The following SOX6 variants were observed in gnomAD, a reference collection of about 807,000 sequenced individuals.
SOX6 encodes SRY-box transcription factor 6.
Under a neutral mutation model 97.8 loss-of-function variants are expected in SOX6, and 11 were observed. The ratio of observed to expected loss-of-function variants is 0.11; its 90% CI spans 0.07 to 0.19. The LOEUF (loss-of-function observed/expected upper bound fraction) is 0.19. Among genes scored for constraint, SOX6 ranks in the 10% least tolerant of loss-of-function variants. The pLI is 1.00. For synonymous variants in SOX6, 360 were observed against 371.4 expected, an observed-to-expected ratio of 0.97 and a Z score of 0.35; for missense variants, 810 against 1,039.5, an observed-to-expected ratio of 0.78 and a Z score of 3.04.
chr11:16,007,267 G>A (rs1208120901), intron 13 of SOX6, among the ~76,000 whole-genome samples: 1 of 152,036 alleles, frequency 6.6e-6, no homozygotes, highest in African/African-American at 2.4e-5. Context: ...TTACTGTACT[G>A]AATACTGTAG....
chr11:16,214,973 C>T (rs1337318192), intron 4 of SOX6, among the ~76,000 whole-genome samples: 1 of 152,084 alleles, frequency 6.6e-6, no homozygotes, highest in Non-Finnish European at 1.5e-5. Flanking sequence ...TGGCCTCGAA[C>T]TCCTGATCTC....
chr11:16,054,147 G>GT (rs1303275177), intron 10 of SOX6, among the ~76,000 whole-genome samples: 5 of 152,052 alleles, frequency 3.3e-5, no homozygotes, highest in African/African-American at 1.2e-4. Context: ...TTTAACCAAG[G>GT]AACATTTTAC....
chr11:16,477,633 T>C (rs1860277587), upstream of SOX6, among the ~76,000 whole-genome samples: 1 of 152,162 alleles, frequency 6.6e-6, no homozygotes, highest in Non-Finnish European at 1.5e-5. Flanking sequence ...AGTGGATTGC[T>C]TGAGTCCAGG....
chr11:16,657,192 C>G (rs1590041534), intron 3 of SOX6, among the ~76,000 whole-genome samples: 1 of 152,190 alleles, frequency 6.6e-6, no homozygotes, highest in Admixed American at 6.5e-5. Flanking sequence ...TTCCAAAATG[C>G]CATATGTTGG....
At chr11:16,555,799 T>C (rs922430541) in intron 4 of SOX6, among the ~76,000 whole-genome samples, 4 of 151,664 alleles carry the variant, frequency 2.6e-5, no homozygotes, top group African/African-American at 9.7e-5. Context: ...ATATGTGCCC[T>C]TGACTAGTTA....
intron 4 of SOX6, among the ~76,000 whole-genome samples, chr11:16,497,166 C>T (rs574499473): frequency 3.3e-5 from 5 of 152,222 alleles, no homozygotes; most frequent in African/African-American, 7.2e-5. Flanking sequence ...CACCAATATC[C>T]GCTGTTCTGC....
chr11:16,201,694 C>A (rs1480260154), intron 4 of SOX6, among the ~76,000 whole-genome samples: 2 of 120,952 alleles, frequency 1.7e-5, no homozygotes, highest in African/African-American at 6.6e-5. Context: ...AGTGCAGTGG[C>A]GGGATCTCGG....
chr11:16,398,034 C>T (rs765318686), intron 1 of SOX6, among the ~76,000 whole-genome samples: 7 of 151,470 alleles, frequency 4.6e-5, no homozygotes, highest in Non-Finnish European at 8.9e-5. Context: ...AATGTCATCC[C>T]AGGCTTCATG....
intron 4 of SOX6, among the ~76,000 whole-genome samples, chr11:16,487,496 G>GAGGATCATATCCAGAT (rs1860456126): frequency 6.6e-6 from 1 of 152,200 alleles, no homozygotes; most frequent in African/African-American, 2.4e-5. Flanking sequence ...TATCCAGAAA[G>GAGGATCATATCCAGAT]AGGAGAGGAT....
chr11:16,173,755 T>A (rs1851104862), intron 6 of SOX6, among the ~76,000 whole-genome samples: 1 of 151,320 alleles, frequency 6.6e-6, no homozygotes, highest in South Asian at 2.1e-4. Flanking sequence ...ACTTTACTAC[T>A]CAAAGACATT....
At chr11:16,393,893 C>T (rs1170689531) in intron 1 of SOX6, among the ~76,000 whole-genome samples, 3 of 151,988 alleles carry the variant, frequency 2.0e-5, no homozygotes, top group East Asian at 3.9e-4. Context: ...AAGAACCTAA[C>T]TTACAATCTT....
chr11:16,535,120 T>A (rs978380122), intron 4 of SOX6, among the ~76,000 whole-genome samples: 1 of 152,206 alleles, frequency 6.6e-6, no homozygotes, highest in African/African-American at 2.4e-5. Flanking sequence ...GATACTGATG[T>A]TCACTCACTG....
chr11:16,325,431 G>T (rs1296298028), intron 2 of SOX6, among the ~76,000 whole-genome samples: 1 of 151,916 alleles, frequency 6.6e-6, no homozygotes, highest in African/African-American at 2.4e-5. Flanking sequence ...TTGCTTATCT[G>T]TGTTTTCTAA....
At chr11:16,547,077 A>G (rs1847629777) in intron 4 of SOX6, among the ~76,000 whole-genome samples, 1 of 152,182 alleles carries the variant, frequency 6.6e-6, no homozygotes, top group Non-Finnish European at 1.5e-5. Flanking sequence ...ATCTTGCCCC[A>G]GTTAGAATGG....
At chr11:16,095,800 T>C (rs1398673658) in intron 9 of SOX6, among the ~76,000 whole-genome samples, 196 bp downstream of exon 9, 1 of 151,678 alleles carries the variant, frequency 6.6e-6, no homozygotes, top group South Asian at 2.1e-4. Context: ...TTCAGGGGCA[T>C]TGCTTTGGGA....
At chr11:16,164,545 C>G (rs1338444157) in intron 6 of SOX6, among the ~76,000 whole-genome samples, 1 of 152,112 alleles carries the variant, frequency 6.6e-6, no homozygotes, top group South Asian at 2.1e-4. Flanking sequence ...TGGAGAGGGC[C>G]GGGCACAGTG....
intron 15 of SOX6, among the ~76,000 whole-genome samples, chr11:15,978,419 A>G (rs1413278958): frequency 1.3e-5 from 2 of 151,914 alleles, no homozygotes; most frequent in Admixed American, 1.3e-4. Context: ...TAACACGGGC[A>G]GCATTTGATA....
At chr11:16,156,046 T>A (rs1850587895) in intron 6 of SOX6, among the ~76,000 whole-genome samples, 1 of 152,016 alleles carries the variant, frequency 6.6e-6, no homozygotes, top group South Asian at 2.1e-4. Flanking sequence ...TGATTTAGAT[T>A]GATGTCCTAT....
At chr11:16,283,087 T>TTATATATATATATATATATATA in intron 3 of SOX6, among the ~76,000 whole-genome samples, 1 of 17,210 alleles carries the variant, frequency 5.8e-5, no homozygotes, top group Non-Finnish European at 1.4e-4. Context: ...TATATATAAT[T>TTATATATATATATATATATATA]TGTATATATA....
Sources: allele counts gnomAD v4.1 joint callset (sites outside exome capture counted in the v4.1 genomes callset), GRCh38; gene constraint gnomAD v4.1.1; transcripts MANE v1.5; gene names NCBI Gene and HGNC (gene_info 2026-07-23, HGNC 2026-07-21).